GRIN2C: variants seen among roughly 807,000 people sequenced by gnomAD.
GRIN2C encodes the protein glutamate ionotropic receptor NMDA type subunit 2C, also known as glutamate receptor ionotropic, NMDA 2C.
A neutral mutation model predicts 77.7 loss-of-function variants in GRIN2C; 64 were observed. The ratio of observed to expected loss-of-function variants is 0.82; its 90% CI spans 0.67 to 1.01. GRIN2C has a LOEUF of 1.01. GRIN2C is among the 50% of genes least tolerant of loss of function. GRIN2C has a pLI of 0.00. For synonymous variants in GRIN2C, 792 were observed against 643.4 expected (o/e 1.23, Z -3.49); for missense variants, 1,549 against 1,486.0 (o/e 1.04, Z -0.70).
Position 74,847,584 on chromosome 17 carries a change from T to C in GRIN2C, c.1772-47A>G, listed in dbSNP as rs2037501956. On this transcript the variant is annotated intron_variant, in intron 8 of 12. Coordinates refer to ENST00000293190, the MANE Select transcript of GRIN2C (RefSeq NM_000835.6). This position sits in a 1 kb window ranked among gnomAD's most constrained non-coding sequence, Gnocchi z 5.2. ...ATGCTGGAGCTCCTCCTGCCCACCA[T>C]GAAAGGGCTCAGGGCTCAGCCCACC... The C allele has an allele frequency of 7.2e-7, 1 of 1,386,942 alleles. No homozygotes were observed. The highest frequency in any genetic ancestry group is 1.4e-5 in the African/African-American group (1 of 70,382). The allele number at this position is 1,386,942 out of a possible 1,614,324, so 85.9% of individuals were successfully genotyped here.
At position 74,847,869 on chromosome 17, in the gene GRIN2C, T is replaced by C. The variant is rs1414565484; in HGVS notation, c.1754A>G (p.Asn585Ser). 2 of 1,613,394 alleles carry C rather than the reference T, an allele frequency of 1.2e-6. No individual in the cohort carries two copies. Among genetic ancestry groups the C allele is most frequent in the African/African-American group, 2.7e-5 (2 of 74,726 alleles). ...AGGCTTACTCTTGCCTCTGGTGAGG[T>C]TCTGGTTGTAGCTGACAGGGCTGAA... ...EYFSPVSYNQ[N>S]LTRGKKSGGP... The change falls in exon 8 of 13, where the codon AAC (asparagine) becomes AGC (serine). Residue 585 changes from asparagine (N) to serine (S), a missense_variant. By Grantham distance (46) the Asn-to-Ser change is conservative. Coordinates refer to ENST00000293190, the MANE Select transcript of GRIN2C (RefSeq NM_000835.6). The surrounding 1 kb of genome is among the most constrained non-coding windows in gnomAD (Gnocchi z 5.2).
At chr17:74,861,158 C>T (rs2037943586), upstream of GRIN2C, among the ~76,000 whole-genome samples, 1 of 152,188 alleles carries the variant, frequency 6.6e-6, no homozygotes, top group Non-Finnish European at 1.5e-5. Context: ...TTGGACGCTT[C>T]GCCCGCGTCC....
At chr17:74,860,554 C>T (rs1156679120), upstream of GRIN2C, 6 of 451,918 alleles carry the variant, frequency 1.3e-5, no homozygotes, top group Non-Finnish European at 2.7e-5. Flanking sequence ...AAACAGGAGA[C>T]TCGGGGCTTC....
chr17:74,843,511 G>A lies in GRIN2C; in HGVS notation c.2626C>T (p.Pro876Ser). Residue 876 changes from proline to serine, a missense_variant, in exon 13 of 13, where the codon CCA becomes TCA. Coordinates refer to ENST00000293190, the MANE Select transcript of GRIN2C (RefSeq NM_000835.6). ...AGGTCCGGGCTGGCCTGCCGCGGTG[G>A]GCTGGCGAGGCTCTGCACCCCGCTG... ...CFSGVQSLAS[P>S]PRQASPDLTA... 6 of 1,533,506 alleles carry A rather than the reference G, an allele frequency of 3.9e-6. No homozygotes were observed. The highest frequency in any genetic ancestry group is 5.2e-6 in the Non-Finnish European group (6 of 1,146,462). The allele number at this position is 1,533,506 out of a possible 1,614,324, so 95.0% of individuals were successfully genotyped here.
intron 11 of GRIN2C, 21 bp from the exon 12 acceptor site, chr17:74,844,529 C>T (rs759874906): frequency 6.2e-7 from 1 of 1,606,570 alleles, no homozygotes; most frequent in Admixed American, 1.7e-5. Context: ...GGGGTGTACA[C>T]ATCTGGCTCA....
rs573217191 is a variant in GRIN2C, at chr17:74,850,888, T to A, written c.1114-121A>T. On this transcript the variant is annotated intron_variant, in intron 4 of 12. Coordinates refer to ENST00000293190, the MANE Select transcript of GRIN2C (RefSeq NM_000835.6). This position sits in a 1 kb window ranked among gnomAD's most constrained non-coding sequence, Gnocchi z 5.3. Reference sequence around the variant, plus strand: ...CTAGGGATGCTGGGGCAGGTCAGAGTAGGGCTGCTCCCAACAGCCTCCCCC... The same window carrying A: ...CTAGGGATGCTGGGGCAGGTCAGAGAAGGGCTGCTCCCAACAGCCTCCCCC... The A allele has an allele frequency of 2.4e-6, 2 of 819,930 alleles. No homozygotes were observed. Among genetic ancestry groups the A allele is most frequent in the Non-Finnish European group, 2.0e-6 (1 of 503,522 alleles). 50.8% of individuals were successfully genotyped at this position (819,930 alleles called of 1,614,324 possible).
upstream of GRIN2C, chr17:74,860,383 G>T (rs2037923987): frequency 2.2e-6 from 1 of 456,458 alleles, no homozygotes; most frequent in Non-Finnish European, 4.4e-6. Flanking sequence ...GACGACCAGG[G>T]CTGGGAAACC....
At chr17:74,857,774 C>T (rs956780168) in intron 1 of GRIN2C, among the ~76,000 whole-genome samples, 1 of 152,206 alleles carries the variant, frequency 6.6e-6, no homozygotes, top group Admixed American at 6.5e-5. Flanking sequence ...GTACCAGAAA[C>T]ATCTCTCACC....
chr17:74,852,213 G>A lies in GRIN2C; in HGVS notation c.798C>T (p.Pro266=). The A allele has an allele frequency of 6.9e-7, 1 of 1,446,606 alleles. No individual in the cohort carries two copies. Among genetic ancestry groups the A allele is most frequent in the Non-Finnish European group, 9.1e-7 (1 of 1,101,966 alleles). 89.6% of individuals were successfully genotyped at this position (1,446,606 alleles called of 1,614,324 possible). A position where few individuals can be genotyped will look rare whatever the true frequency, so the allele number is the denominator to read the frequency against. ...TGATGAGGCCCACGGGGAAGGTGGC[G>A]GGGGGCGCATCGGTGCTGCCCAGCG... ...NLALGSTDAP[P]ATFPVGLISV... Residue 266 remains proline (P), a synonymous_variant, in exon 3 of 13, where the codon CCC becomes CCT. Transcript: ENST00000293190.
rs1028147006 is a variant in GRIN2C, at chr17:74,849,436, GCTC to G, written c.1645+341_1645+343del. Among the ~76,000 whole-genome samples the G allele has an allele frequency of 2.6e-5, 4 of 152,126 alleles. No homozygotes were observed. Among genetic ancestry groups the G allele is most frequent in the African/African-American group, 4.8e-5 (2 of 41,512 alleles). ...ACACACCTCTTCGCACACTACACTC[GCTC>G]CTCAACTCCCCACGGGCCTCCCCCA... On this transcript the variant is annotated intron_variant, in intron 7 of 12. Coordinates refer to ENST00000293190, the MANE Select transcript of GRIN2C (RefSeq NM_000835.6). The surrounding 1 kb of genome is among the most constrained non-coding windows in gnomAD (Gnocchi z 4.6).
chr17:74,849,708 A>T lies in GRIN2C; in HGVS notation c.1645+72T>A. On this transcript the variant is annotated intron_variant, in intron 7 of 12. Transcript: ENST00000293190. This position sits in a 1 kb window ranked among gnomAD's most constrained non-coding sequence, Gnocchi z 4.6. ...AGAGCCCACCCAACTCCCCATCCCCACCCAAGCTGTACACACCCTCCTCGT... is the reference window on the plus strand; with the variant it reads ...AGAGCCCACCCAACTCCCCATCCCCTCCCAAGCTGTACACACCCTCCTCGT... 7.0e-7 allele frequency: 1 copy of T among 1,428,156 alleles called. No individual in the cohort carries two copies. The highest frequency in any genetic ancestry group is 9.5e-7 in the Non-Finnish European group (1 of 1,050,598). The allele number at this position is 1,428,156 out of a possible 1,614,324, so 88.5% of individuals were successfully genotyped here. A position where few individuals can be genotyped will look rare whatever the true frequency, so the allele number is the denominator to read the frequency against.
chr17:74,846,872 G>A lies in GRIN2C; in HGVS notation c.2050C>T (p.Pro684Ser), dbSNP rs1490439921. Reference protein sequence around the residue: ...QYPPFRFGTVPNGSTERNIRS... With the variant: ...QYPPFRFGTVSNGSTERNIRS... ...ATGTTCCGCTCCGTGCTGCCGTTGG[G>A]CACCGTGCCGAAGCGGAAAGGTGGG... is the stretch of plus-strand genomic sequence containing the variant. The change falls in exon 10 of 13, where the codon CCC becomes TCC. Residue 684 changes from proline (P) to serine (S), a missense_variant. Transcript: ENST00000293190. This position sits in a 1 kb window ranked among gnomAD's most constrained non-coding sequence, Gnocchi z 4.4. 1 of 1,614,102 alleles carries A rather than the reference G, an allele frequency of 6.2e-7. No homozygotes were observed. The highest frequency in any genetic ancestry group is 1.7e-5 in the Admixed American group (1 of 60,024).
chr17:74,842,974 G>C lies in GRIN2C; in HGVS notation c.3163C>G (p.Leu1055Val). The C allele has an allele frequency of 2.0e-6, 1 of 512,500 alleles. No homozygotes were observed. The highest frequency in any genetic ancestry group is 3.4e-6 in the Non-Finnish European group (1 of 297,856). The allele number at this position is 512,500 out of a possible 1,614,324, so 31.7% of individuals were successfully genotyped here. A position where few individuals can be genotyped will look rare whatever the true frequency, so the allele number is the denominator to read the frequency against. The stretch of plus-strand genomic sequence containing the variant: ...CGCCGGGCCAGCTGCTCCGGACCGA[G>C]CAGCGGCAGGTCCTCCAGCTCCGGG... ...LFPELEDLPLLGPEQLARREA... is the reference protein window; with the variant it reads ...LFPELEDLPLVGPEQLARREA... The change falls in exon 13 of 13, where the codon CTC becomes GTC. Residue 1055 changes from leucine to valine, a missense_variant. Leu to Val is a conservative substitution (Grantham distance 32). Around this residue, in one of 3 missense-constraint regions of GRIN2C, gnomAD observed 450 missense variants for 267.9 expected, o/e 1.68. Coordinates refer to ENST00000293190, the MANE Select transcript of GRIN2C (RefSeq NM_000835.6).
rs1239828885 is a variant in GRIN2C, at chr17:74,842,313, AC to A, written c.*121del. On this transcript the variant is annotated 3_prime_UTR_variant, in exon 13 of 13. Coordinates refer to ENST00000293190, the MANE Select transcript of GRIN2C (RefSeq NM_000835.6). ...ATGACCATGGAAGACATCATCTGTC[AC>A]TGGGGTCCCATGGCCAGGATTTCAT... 3.2e-6 allele frequency: 2 copies of A among 621,616 alleles called. No individual in the cohort carries two copies. The highest frequency in any genetic ancestry group is 2.8e-5 in the East Asian group (1 of 36,244). The allele number at this position is 621,616 out of a possible 1,614,324, so 38.5% of individuals were successfully genotyped here.
In GRIN2C at chr17:74,847,145, T is replaced by A. The variant is rs1391766435; in HGVS notation, c.2001+163A>T. ...TCTCAGCCGGTGGCCCTGAGCCATC[T>A]CTTGCCCCAGCCCCCAACCCCTTCT... On this transcript the variant is annotated intron_variant, in intron 9 of 12. Transcript: ENST00000293190. This position sits in a 1 kb window ranked among gnomAD's most constrained non-coding sequence, Gnocchi z 5.2. The A allele has an allele frequency of 6.9e-6, 5 of 727,566 alleles. No individual in the cohort carries two copies. In the Admixed American group the frequency reaches 1.3e-4, roughly 19 times the overall value. The allele number at this position is 727,566 out of a possible 1,614,324, so 45.1% of individuals were successfully genotyped here. A position where few individuals can be genotyped will look rare whatever the true frequency, so the allele number is the denominator to read the frequency against.
Position 74,844,487 on chromosome 17 carries a change from G to C in GRIN2C, c.2372C>G (p.Thr791Arg). Reference sequence around the variant, plus strand: ...CTGGCAGATCCCTGAGAGCCACACTGTCTCCAGTTTCTGTGTCTCTCCTGG... The same window carrying C: ...CTGGCAGATCCCTGAGAGCCACACTCTCTCCAGTTTCTGTGTCTCTCCTGG... ...LGDGETQKLE[T>R]VWLSGICQNE... is the part of the protein sequence containing the mutation. The change falls in exon 12 of 13, where the codon ACA (threonine) becomes AGA (arginine). Residue 791 changes from threonine (T) to arginine (R), a missense_variant. Physicochemically the swap from Thr to Arg is moderately conservative, Grantham distance 71. This residue lies in a region of GRIN2C where 717 missense variants were observed against 858.1 expected (regional missense o/e 0.84). Transcript: ENST00000293190. The C allele has an allele frequency of 6.2e-7, 1 of 1,614,132 alleles. No individual in the cohort carries two copies. The highest frequency in any genetic ancestry group is 8.5e-7 in the Non-Finnish European group (1 of 1,179,988).
At position 74,842,199 on chromosome 17, in the gene GRIN2C, C is replaced by G; in HGVS notation, c.*236G>C. 2.0e-6 allele frequency: 1 copy of G among 500,822 alleles called. No homozygotes were observed. 31.0% of individuals were successfully genotyped at this position (500,822 alleles called of 1,614,324 possible). A position where few individuals can be genotyped will look rare whatever the true frequency, so the allele number is the denominator to read the frequency against. ...GGGAGAGCCTCAGGAGTCTGACCCC[C>G]ACAGCACACCCTCCTGGCAGAACTC... On this transcript the variant is annotated 3_prime_UTR_variant, in exon 13 of 13. Transcript: ENST00000293190.
At position 74,852,177 on chromosome 17, in the gene GRIN2C, G is replaced by A. The variant is rs772081834; in HGVS notation, c.834C>T (p.Thr278=). ...GGCGCAGGCTGAGGCGCCAGCTCTC[G>A]GTGACGACGCTGATGAGGCCCACGG... The part of the protein sequence containing the change: ...TFPVGLISVV[T]ESWRLSLRQK... Residue 278 remains threonine, a synonymous_variant, in exon 3 of 13, where the codon ACC becomes ACT. Coordinates refer to ENST00000293190, the MANE Select transcript of GRIN2C (RefSeq NM_000835.6). The A allele has an allele frequency of 1.9e-5, 28 of 1,462,026 alleles. 1 individual carries two copies. The East Asian group carries it at 4.4e-4, about 23-fold the overall frequency. The allele number at this position is 1,462,026 out of a possible 1,614,324, so 90.6% of individuals were successfully genotyped here.
Position 74,842,459 on chromosome 17 carries a change from G to C in GRIN2C, c.3678C>G (p.Ile1226Met), listed in dbSNP as rs373593332. 3.4e-5 allele frequency: 26 copies of C among 775,584 alleles called. No homozygotes were observed. The highest frequency in any genetic ancestry group is 5.8e-5 in the Non-Finnish European group (24 of 416,552). 48.0% of individuals were successfully genotyped at this position (775,584 alleles called of 1,614,324 possible). The part of the protein sequence containing the change: ...GFPGPCTWRR[I>M]SSLESEV ...CTCACACTTCTGACTCCAGACTGGA[G>C]ATCCGTCTCCAGGTGCAGGGTCCCG... Residue 1226 changes from isoleucine (I) to methionine (M), a missense_variant, in exon 13 of 13, where the codon ATC (isoleucine) becomes ATG (methionine). Coordinates refer to ENST00000293190, the MANE Select transcript of GRIN2C (RefSeq NM_000835.6).
Sources: gnomAD v4.1 joint callset for allele counts (sites outside exome capture counted in the v4.1 genomes callset) on GRCh38, gnomAD v4.1.1 for gene constraint, gnomAD v4.1.1 regional missense constraint, Gnocchi (gnomAD v3.1) non-coding constraint, MANE v1.5 for transcripts, NCBI Gene and HGNC (gene_info 2026-07-23, HGNC 2026-07-21) for gene names.